The following TMEM43 variants were observed in gnomAD, a reference collection of about 807,000 sequenced individuals.
TMEM43 encodes transmembrane protein 43.
In TMEM43, 45 loss-of-function variants were observed where a neutral mutation model predicts 49.6. That is an observed-to-expected ratio of 0.91 (90% CI 0.71 to 1.16). The LOEUF is 1.16. TMEM43 is among the 50% of genes most tolerant of loss of function. The probability of loss-of-function intolerance (pLI) is 0.00; values close to 1 mark genes in which losing one functional copy is unlikely to be tolerated. For missense variants in TMEM43, 532 were observed against 516.6 expected (o/e 1.03, Z -0.29); for synonymous variants, 199 against 207.8 (o/e 0.96, Z 0.36).
intron 6 of TMEM43, 73 bp from the exon 7 acceptor site, chr3:14,133,666 C>A: frequency 6.9e-7 from 1 of 1,451,894 alleles, no homozygotes; most frequent in Non-Finnish European, 9.7e-7. Flanking sequence ...CCCTGCCCAG[C>A]ACAAACAACC....
intron 7 of TMEM43, 30 bp from the exon 8 acceptor site, chr3:14,134,740 C>G (rs1490382791): frequency 1.2e-6 from 2 of 1,613,912 alleles, no homozygotes; most frequent in South Asian, 2.2e-5. Context: ...ACCTGGTCCC[C>G]TGGGTTTCTA....
intron 1 of TMEM43, among the ~76,000 whole-genome samples, chr3:14,126,161 A>T (rs1348984207): frequency 6.6e-6 from 1 of 152,072 alleles, no homozygotes; most frequent in African/African-American, 2.4e-5. Context: ...TGCATCACCC[A>T]CAGCCCTAGT....
chr3:14,138,206 G>A (rs781746085), intron 10 of TMEM43, among the ~76,000 whole-genome samples: 1 of 152,138 alleles, frequency 6.6e-6, no homozygotes, highest in African/African-American at 2.4e-5. Flanking sequence ...GGCAATCGTT[G>A]TAGGCAGAGC....
At chr3:14,132,522 G>A (rs751945696) in intron 4 of TMEM43, 24 bp from the exon 5 acceptor site, 15 of 1,613,996 alleles carry the variant, frequency 9.3e-6, no homozygotes, top group Middle Eastern at 1.6e-4. Flanking sequence ...GCTAACCCCC[G>A]TGGCTGCTTT....
chr3:14,139,411 A>G (rs1310333924), intron 11 of TMEM43, 114 bp downstream of exon 11: 2 of 809,938 alleles, frequency 2.5e-6, no homozygotes, highest in African/African-American at 1.7e-5. Flanking sequence ...TGCAGATACC[A>G]GGCATTTGGC....
chr3:14,140,385 C>T (rs1341876895), intron 11 of TMEM43, among the ~76,000 whole-genome samples: 1 of 152,130 alleles, frequency 6.6e-6, no homozygotes, highest in East Asian at 1.9e-4. Flanking sequence ...ATTCACTCTA[C>T]GTCTGGAATG....
chr3:14,135,962 T>C, intron 10 of TMEM43, 54 bp downstream of exon 10: 2 of 1,439,452 alleles, frequency 1.4e-6, no homozygotes, highest in South Asian at 2.3e-5. Flanking sequence ...CCTTCCTTCC[T>C]TCCAGTGGTT....
intron 1 of TMEM43, chr3:14,129,164 A>G: frequency 2.4e-6 from 1 of 412,884 alleles, no homozygotes; most frequent in South Asian, 2.1e-5. Flanking sequence ...AATTGGCAGG[A>G]AAGGGGCACA....
intron 10 of TMEM43, 89 bp downstream of exon 10, chr3:14,135,997 G>C (rs577792881): frequency 8.8e-7 from 1 of 1,132,152 alleles, no homozygotes; most frequent in South Asian, 1.2e-5. Flanking sequence ...CACTACCAGG[G>C]GTCATAGCCA....
intron 1 of TMEM43, among the ~76,000 whole-genome samples, chr3:14,127,584 C>A (rs930922245): frequency 2.6e-5 from 4 of 152,096 alleles, no homozygotes; most frequent in Non-Finnish European, 1.5e-5. Context: ...AACCCTGAGC[C>A]CGATTTTCTT....
intron 5 of TMEM43, 114 bp from the exon 6 acceptor site, chr3:14,132,752 A>G (rs1208595498): frequency 4.3e-6 from 6 of 1,388,910 alleles, no homozygotes; most frequent in South Asian, 1.2e-5. Flanking sequence ...CCACCCATCC[A>G]TTGAGGCTCC....
rs141251141 is a variant in TMEM43, at chr3:14,135,582, T to C, written c.781-225T>C. The stretch of plus-strand genomic sequence containing the variant: ...TGCAGTCCTGCCCCATCCCCTGCTC[T>C]GCGCACTGCCCAAGAGCTTTGAATG... On this transcript the variant is annotated intron_variant, in intron 9 of 11. Transcript: ENST00000306077. Among the ~76,000 whole-genome samples, 692 of 152,348 alleles carry C rather than the reference T, an allele frequency of 4.5e-3. 8 individuals carry two copies. The highest frequency in any genetic ancestry group is 0.016 in the African/African-American group (653 of 41,582).
chr3:14,133,593 G>A (rs546620952), intron 6 of TMEM43, 146 bp from the exon 7 acceptor site: 32 of 788,782 alleles, frequency 4.1e-5, no homozygotes, highest in Middle Eastern at 3.5e-4. Context: ...CCTGGGGGTG[G>A]ACAGGACAAG....
chr3:14,134,284 C>T (rs1265647075), intron 7 of TMEM43, among the ~76,000 whole-genome samples: 2 of 152,236 alleles, frequency 1.3e-5, no homozygotes, highest in African/African-American at 4.8e-5. Context: ...GCACCATGGG[C>T]CAGAGTAACC....
chr3:14,130,662 C>T (rs549063159), intron 2 of TMEM43, among the ~76,000 whole-genome samples, 160 bp from the exon 3 acceptor site: 1 of 152,124 alleles, frequency 6.6e-6, no homozygotes, highest in South Asian at 2.1e-4. Flanking sequence ...GGTTCCAGTC[C>T]TTACTCTCCA....
At chr3:14,128,979 T>C (rs1330810454) in intron 1 of TMEM43, 1 of 456,478 alleles carries the variant, frequency 2.2e-6, no homozygotes, top group Admixed American at 2.4e-5. Context: ...CACCACAACA[T>C]GAATGAATTG....
At chr3:14,129,796 C>G (rs138452318) in intron 2 of TMEM43, among the ~76,000 whole-genome samples, 2 of 152,234 alleles carry the variant, frequency 1.3e-5, no homozygotes, top group Non-Finnish European at 2.9e-5. Flanking sequence ...GCACCTGCCT[C>G]AGGCGTAGTT....
In TMEM43 at chr3:14,135,878, G is replaced by A. The variant is rs139211731; in HGVS notation, c.852G>A (p.Leu284=). 12 of 1,614,198 alleles carry A rather than the reference G, an allele frequency of 7.4e-6. No homozygotes were observed. The East Asian group carries it at 2.5e-4, about 33-fold the overall frequency. ...PFSTKSGDTL[L]LLHHGDFSAE... ...CCACCAAGTCTGGGGATACCTTACT[G>A]CTCCTGCACCACGGGGACTTCTCAG... Residue 284 remains leucine (L), a synonymous_variant, in exon 10 of 12, where the codon CTG becomes CTA. Coordinates refer to ENST00000306077, the MANE Select transcript of TMEM43 (RefSeq NM_024334.3).
At chr3:14,139,914 G>C (rs1439229657) in intron 11 of TMEM43, among the ~76,000 whole-genome samples, 1 of 152,130 alleles carries the variant, frequency 6.6e-6, no homozygotes, top group Admixed American at 6.5e-5. Flanking sequence ...GGATCTGAGT[G>C]CCCAGGGTGA....
Sources: allele counts gnomAD v4.1 joint callset (sites outside exome capture counted in the v4.1 genomes callset), GRCh38; gene constraint gnomAD v4.1.1; transcripts MANE v1.5; gene names NCBI Gene and HGNC (gene_info 2026-07-23, HGNC 2026-07-21).